Variants in SLC24A1 observed in about 807,000 individuals in gnomAD.
The protein encoded by SLC24A1 is sodium/potassium/calcium exchanger 1.
In SLC24A1, 52 loss-of-function variants were observed where a neutral mutation model predicts 88.1. That is an observed-to-expected ratio of 0.59 (90% CI 0.47 to 0.74). The LOEUF (loss-of-function observed/expected upper bound fraction) is 0.74. Among genes scored for constraint, SLC24A1 ranks in the 30% least tolerant of loss-of-function variants. The pLI is 0.00. For synonymous variants in SLC24A1, 455 were observed against 498.0 expected (o/e 0.91, Z 1.15); for missense variants, 1,173 against 1,363.3 (o/e 0.86, Z 2.20).
At chr15:65,618,108 G>A (rs1410802865), upstream of SLC24A1, among the ~76,000 whole-genome samples, 1 of 152,106 alleles carries the variant, frequency 6.6e-6, no homozygotes, top group Non-Finnish European at 1.5e-5. Context: ...TAGCCACTGG[G>A]TTGGAGAAGT....
At position 65,654,337 on chromosome 15, in the gene SLC24A1, T is replaced by A. The variant is rs2075606590; in HGVS notation, c.*258T>A. 2 of 1,275,226 alleles carry A rather than the reference T, an allele frequency of 1.6e-6. No individual in the cohort carries two copies. The highest frequency in any genetic ancestry group is 3.0e-5 in the African/African-American group (2 of 66,272). The allele number at this position is 1,275,226 out of a possible 1,614,324, so 79.0% of individuals were successfully genotyped here. A position where few individuals can be genotyped will look rare whatever the true frequency, so the allele number is the denominator to read the frequency against. On this transcript the variant is annotated 3_prime_UTR_variant, in exon 10 of 10. Transcript: ENST00000261892. ...GCAGACATCTATTACATGGAGGCAG[T>A]AGAAGGACCCCTGGAGCCAGAGGGT...
intron 2 of SLC24A1, among the ~76,000 whole-genome samples, chr15:65,629,264 C>T (rs2074625900): frequency 6.6e-6 from 1 of 152,096 alleles, no homozygotes. Context: ...CCCTGAGTAT[C>T]TAGAATCAGG....
exon 1 of SLC24A1, chr15:65,611,456 C>T (rs2073948281): frequency 9.8e-6 from 5 of 508,468 alleles, no homozygotes; most frequent in Middle Eastern, 5.5e-4. Flanking sequence ...CCTTCTGCCC[C>T]ACTGACCCAT....
intron 8 of SLC24A1, chr15:65,652,046 A>AC (rs1435805171): frequency 2.6e-4 from 109 of 413,500 alleles, no homozygotes; most frequent in Admixed American, 4.5e-4. Flanking sequence ...TCTGCCATGT[A>AC]CCCATCCCTC....
chr15:65,624,663 A>G lies in SLC24A1; in HGVS notation c.583A>G (p.Arg195Gly), dbSNP rs574198179. Residue 195 changes from arginine (R) to glycine (G), a missense_variant, in exon 2 of 10, where the codon AGA becomes GGA. Transcript: ENST00000261892. The part of the protein sequence containing the change: ...KVKYTPSPRG[R>G]RVGTYVPSTF... ...GAAGTATACTCCTTCCCCACGTGGT[A>G]GAAGAGTAGGCACTTACGTGCCGTC... 2 of 1,598,138 alleles carry G rather than the reference A, an allele frequency of 1.3e-6. No homozygotes were observed. The highest frequency in any genetic ancestry group is 1.1e-5 in the South Asian group (1 of 88,952).
At chr15:65,634,932 G>T (rs2074864603) in intron 2 of SLC24A1, among the ~76,000 whole-genome samples, 1 of 152,080 alleles carries the variant, frequency 6.6e-6, no homozygotes, top group Admixed American at 6.6e-5. Context: ...ACAATAATAT[G>T]AGTGTTGTCT....
chr15:65,656,468 C>G (rs144221114), downstream of SLC24A1, among the ~76,000 whole-genome samples: 63 of 152,170 alleles, frequency 4.1e-4, 1 homozygote, highest in African/African-American at 1.3e-3. Flanking sequence ...ATTGGTTATA[C>G]CTGGAAATTA....
At chr15:65,641,373 C>T (rs974550093) in intron 4 of SLC24A1, among the ~76,000 whole-genome samples, 1 of 144,672 alleles carries the variant, frequency 6.9e-6, no homozygotes, top group Non-Finnish European at 1.5e-5. Context: ...AACAAACAAA[C>T]AAACAAACAA....
intron 3 of SLC24A1, 143 bp from the exon 4 acceptor site, chr15:65,639,452 G>A (rs984727356): frequency 4.9e-6 from 3 of 615,318 alleles, no homozygotes; most frequent in Non-Finnish European, 8.8e-6. Flanking sequence ...CTGGTTGGAG[G>A]TGGAGGAAGA....
chr15:65,655,416 G>A lies in SLC24A1; in HGVS notation c.*1337G>A. 2 of 985,408 alleles carry A rather than the reference G, an allele frequency of 2.0e-6. No homozygotes were observed. Among genetic ancestry groups the A allele is most frequent in the African/African-American group, 3.5e-5 (2 of 57,360 alleles). The allele number at this position is 985,408 out of a possible 1,614,324, so 61.0% of individuals were successfully genotyped here. A position where few individuals can be genotyped will look rare whatever the true frequency, so the allele number is the denominator to read the frequency against. On this transcript the variant is annotated 3_prime_UTR_variant, in exon 10 of 10. Transcript: ENST00000261892. ...ACAATGACAACATGGTGAGAAAAGTGCAGTACTACTTCCAAGGTAGCTAGT... is the reference window on the plus strand; with the variant it reads ...ACAATGACAACATGGTGAGAAAAGTACAGTACTACTTCCAAGGTAGCTAGT...
intron 2 of SLC24A1, among the ~76,000 whole-genome samples, chr15:65,626,485 T>C (rs566661138): frequency 3.8e-4 from 58 of 152,326 alleles, no homozygotes; most frequent in African/African-American, 1.3e-3. Flanking sequence ...GCTGATGGCT[T>C]GGATGGCGTC....
In SLC24A1 at chr15:65,624,352, T is replaced by C. The variant is rs2074424735; in HGVS notation, c.272T>C (p.Leu91Pro). 1.2e-6 allele frequency: 2 copies of C among 1,613,632 alleles called. No individual in the cohort carries two copies. Among genetic ancestry groups the C allele is most frequent in the Middle Eastern group, 1.6e-4 (1 of 6,084 alleles). ...AGCTCCGAAATGGGGGGTAAGATGC[T>C]GGTACCCCAAGCCTCAGTGGGCAGT... ...KPSSEMGGKMLVPQASVGSDE... is the reference protein window; with the variant it reads ...KPSSEMGGKMPVPQASVGSDE... Residue 91 changes from leucine (L) to proline (P), a missense_variant, in exon 2 of 10, where the codon CTG becomes CCG. Physicochemically the swap from Leu to Pro is moderately conservative, Grantham distance 98. Coordinates refer to ENST00000261892, the MANE Select transcript of SLC24A1 (RefSeq NM_004727.3).
chr15:65,628,653 C>A (rs1486244105), intron 2 of SLC24A1, among the ~76,000 whole-genome samples: 4 of 152,210 alleles, frequency 2.6e-5, no homozygotes, highest in Non-Finnish European at 5.9e-5. Flanking sequence ...TACACAGCTA[C>A]TTGGTGATCC....
chr15:65,624,694 T>A lies in SLC24A1; in HGVS notation c.614T>A (p.Phe205Tyr), dbSNP rs371758439. 6.2e-7 allele frequency: 1 copy of A among 1,607,676 alleles called. No homozygotes were observed. The highest frequency in any genetic ancestry group is 1.3e-5 in the African/African-American group (1 of 74,778). ...GTAGGCACTTACGTGCCGTCCACAT[T>A]CATGACAATGGAAACAAGCCATGCG... ...RRVGTYVPST[F>Y]MTMETSHAIT... is the part of the protein sequence containing the mutation. Residue 205 changes from phenylalanine (F) to tyrosine (Y), a missense_variant, in exon 2 of 10, where the codon TTC (phenylalanine) becomes TAC (tyrosine). Transcript: ENST00000261892.
At chr15:65,645,554 C>G (rs1171620844) in intron 5 of SLC24A1, 58 bp from the exon 6 acceptor site, 9 of 1,343,002 alleles carry the variant, frequency 6.7e-6, no homozygotes, top group South Asian at 5.0e-5. Context: ...GTGTCTCTGC[C>G]AGCTTCCTTC....
chr15:65,660,429 C>T (rs80093582), downstream of SLC24A1: 10,585 of 752,258 alleles, frequency 0.014, 113 homozygotes, highest in Middle Eastern at 0.029. Flanking sequence ...CTTTATACAC[C>T]TAATTTGGGA....
intron 2 of SLC24A1, among the ~76,000 whole-genome samples, chr15:65,613,451 A>C (rs2074035416): frequency 6.6e-6 from 1 of 150,958 alleles, no homozygotes; most frequent in Non-Finnish European, 1.5e-5. Context: ...GTGCTTGAGA[A>C]TCTTTGCTGT....
intron 4 of SLC24A1, among the ~76,000 whole-genome samples, chr15:65,640,856 C>G (rs1037762959): frequency 1.3e-5 from 2 of 151,124 alleles, no homozygotes; most frequent in African/African-American, 4.9e-5. Context: ...CTCAGGAGTC[C>G]AAGACCAGCC....
Position 65,652,627 on chromosome 15 carries a change from G to A in SLC24A1, c.2884-15G>A, listed in dbSNP as rs371022531. 1.7e-3 allele frequency: 2,807 copies of A among 1,612,872 alleles called. 54 individuals are homozygous for A. In the South Asian group the frequency reaches 0.029, roughly 17 times the overall value. Reference sequence around the variant, plus strand: ...TCAGGTTTTTCACCTACTGTTGACCGTTGCCGTTTACCAGGTTGGTGAAAC... The same window carrying A: ...TCAGGTTTTTCACCTACTGTTGACCATTGCCGTTTACCAGGTTGGTGAAAC... On this transcript the variant is annotated splice_polypyrimidine_tract_variant and intron_variant, in intron 8 of 9. Coordinates refer to ENST00000261892, the MANE Select transcript of SLC24A1 (RefSeq NM_004727.3).
Sources: allele counts gnomAD v4.1 joint callset (sites outside exome capture counted in the v4.1 genomes callset), GRCh38; gene constraint gnomAD v4.1.1; transcripts MANE v1.5; gene names NCBI Gene and HGNC (gene_info 2026-07-23, HGNC 2026-07-21).